Variants in UST observed in about 807,000 individuals in gnomAD.
UST encodes the protein chondroitin sulfate 2-O-sulfotransferase.
Under a neutral mutation model 45.6 loss-of-function variants are expected in UST, and 21 were observed. That is an observed-to-expected ratio of 0.46 (90% CI 0.33 to 0.66). UST has a LOEUF of 0.66. Ranked by LOEUF, UST falls within the 30% of genes least tolerant of loss-of-function variation. The pLI is 0.02. For missense variants in UST, 463 were observed against 512.4 expected (o/e 0.90, Z 0.93); for synonymous variants, 215 against 200.6 (o/e 1.07, Z -0.61).
At chr6:149,060,606 G>T (rs369528332) in intron 7 of UST, among the ~76,000 whole-genome samples, 2 of 152,348 alleles carry the variant, frequency 1.3e-5, no homozygotes, top group East Asian at 1.9e-4. Context: ...GGGCTGTATG[G>T]GAATGGAGGT....
At chr6:148,995,679 T>C (rs1781440568) in intron 5 of UST, among the ~76,000 whole-genome samples, 1 of 152,260 alleles carries the variant, frequency 6.6e-6, no homozygotes, top group Non-Finnish European at 1.5e-5. Context: ...TTGTTGTTTG[T>C]AGTACCAACA....
At chr6:148,927,362 T>C (rs933725931) in intron 2 of UST, among the ~76,000 whole-genome samples, 2 of 152,210 alleles carry the variant, frequency 1.3e-5, no homozygotes, top group African/African-American at 4.8e-5. Flanking sequence ...ATTGCCATAG[T>C]TGAACAAACT....
chr6:148,850,949 G>A (rs994020798), intron 1 of UST, among the ~76,000 whole-genome samples: 3 of 152,198 alleles, frequency 2.0e-5, no homozygotes, highest in Non-Finnish European at 4.4e-5. Flanking sequence ...GTAGAGCAAA[G>A]CATCAGAACC....
chr6:148,873,540 A>G (rs62426093), intron 1 of UST, among the ~76,000 whole-genome samples: 28,935 of 152,064 alleles, frequency 0.19, 3,125 homozygotes, highest in South Asian at 0.41. Context: ...TGATCTAGAC[A>G]GATCAGCCTC....
intron 1 of UST, among the ~76,000 whole-genome samples, chr6:148,880,535 C>A (rs1048418427): frequency 6.6e-6 from 1 of 152,192 alleles, no homozygotes; most frequent in Admixed American, 6.5e-5. Flanking sequence ...CATACAAAGT[C>A]CTCCAAGTGC....
chr6:148,927,069 A>T (rs1205723617), intron 2 of UST, among the ~76,000 whole-genome samples: 1 of 152,156 alleles, frequency 6.6e-6, no homozygotes, highest in Admixed American at 6.5e-5. Context: ...TTACTGCTGG[A>T]GCATGGTAAG....
intron 1 of UST, among the ~76,000 whole-genome samples, chr6:148,785,806 A>G (rs751703809): frequency 6.6e-6 from 1 of 152,188 alleles, no homozygotes; most frequent in Non-Finnish European, 1.5e-5. Flanking sequence ...TCTAACTGAT[A>G]CCCCAAACCA....
At chr6:148,920,383 A>G (rs933328060) in intron 2 of UST, among the ~76,000 whole-genome samples, 3 of 151,780 alleles carry the variant, frequency 2.0e-5, no homozygotes, top group Non-Finnish European at 2.9e-5. Context: ...CCACCACTCC[A>G]TCCTCCACAC....
At chr6:148,775,639 T>TG (rs141490949) in intron 1 of UST, among the ~76,000 whole-genome samples, 3 of 150,804 alleles carry the variant, frequency 2.0e-5, no homozygotes, top group Admixed American at 6.6e-5. Flanking sequence ...TTTTTTTTTT[T>TG]GGGGCGGGGA....
At chr6:148,828,272 T>C (rs1381356938) in intron 1 of UST, among the ~76,000 whole-genome samples, 3 of 151,138 alleles carry the variant, frequency 2.0e-5, no homozygotes, top group Admixed American at 1.3e-4. Flanking sequence ...CAAAGAACAC[T>C]ATAATTGTGC....
chr6:148,850,903 C>T (rs550570015), intron 1 of UST, among the ~76,000 whole-genome samples: 1 of 152,324 alleles, frequency 6.6e-6, no homozygotes, highest in South Asian at 2.1e-4. Context: ...TGTGGTCTTT[C>T]TACTGGCAAC....
chr6:148,890,844 A>T (rs1046731012), intron 2 of UST, among the ~76,000 whole-genome samples: 3 of 152,244 alleles, frequency 2.0e-5, no homozygotes, highest in African/African-American at 4.8e-5. Context: ...TGTACACAGA[A>T]TACGGTGGTT....
chr6:149,019,058 G>A, intron 5 of UST, 81 bp from the exon 6 acceptor site: 1 of 1,071,428 alleles, frequency 9.3e-7, no homozygotes, highest in Non-Finnish European at 1.4e-6. Flanking sequence ...ATTCAATCAT[G>A]AATTTTACTT....
intron 7 of UST, among the ~76,000 whole-genome samples, chr6:149,067,703 TA>T (rs1776761471): frequency 6.6e-6 from 1 of 152,176 alleles, no homozygotes; most frequent in South Asian, 2.1e-4. Context: ...CTCATTACTG[TA>T]TAAAAGTTGG....
intron 7 of UST, among the ~76,000 whole-genome samples, chr6:149,038,075 G>T (rs992306888): frequency 6.6e-6 from 1 of 152,012 alleles, no homozygotes; most frequent in African/African-American, 2.4e-5. Flanking sequence ...CCTAAAACTG[G>T]TTCCTTTTTG....
At chr6:148,990,363 A>G in intron 5 of UST, 1 of 983,942 alleles carries the variant, frequency 1.0e-6, no homozygotes, top group Non-Finnish European at 1.2e-6. Context: ...TCTTTCTTTT[A>G]AATCCAAATA....
intron 1 of UST, among the ~76,000 whole-genome samples, chr6:148,761,592 A>G (rs1191964568): frequency 1.3e-5 from 2 of 151,916 alleles, no homozygotes; most frequent in Non-Finnish European, 2.9e-5. Context: ...TTTTTACCAC[A>G]GTGGGGAAGA....
chr6:148,949,019 G>A (rs567950171), intron 3 of UST, among the ~76,000 whole-genome samples: 12 of 152,182 alleles, frequency 7.9e-5, no homozygotes, highest in South Asian at 2.1e-4. Flanking sequence ...GGCTGGGCAC[G>A]GTGGCTCACA....
intron 5 of UST, among the ~76,000 whole-genome samples, chr6:148,987,251 A>AAAT (rs1293281704): frequency 1.3e-5 from 2 of 152,174 alleles, no homozygotes; most frequent in Non-Finnish European, 2.9e-5. Flanking sequence ...CTTGTCTAGA[A>AAAT]AATAAAATAT....
Sources: allele counts gnomAD v4.1 joint callset (sites outside exome capture counted in the v4.1 genomes callset), GRCh38; gene constraint gnomAD v4.1.1; transcripts MANE v1.5; gene names NCBI Gene and HGNC (gene_info 2026-07-23, HGNC 2026-07-21).